Variants in C17orf107 observed in about 807,000 individuals in gnomAD.
C17orf107 encodes uncharacterized protein C17orf107.
A neutral mutation model predicts 8.9 loss-of-function variants in C17orf107; 9 were observed. That is an observed-to-expected ratio of 1.02 (90% CI 0.61 to 1.77). The LOEUF (loss-of-function observed/expected upper bound fraction) is 1.77, where lower values mean the gene tolerates loss of function less well. Among genes scored for constraint, C17orf107 ranks in the 40% most tolerant of loss-of-function variants. The pLI is 0.00. For missense variants in C17orf107, 281 were observed against 249.0 expected (o/e 1.13, Z -0.86); for synonymous variants, 139 against 120.3 (o/e 1.16, Z -1.02).
At position 4,900,294 on chromosome 17, in the gene C17orf107, G is replaced by A; in HGVS notation, c.334G>A (p.Ala112Thr). The part of the protein sequence containing the change: ...ARRLDGSAGP[A>T]PDGRDPGAAL... Reference sequence around the variant, plus strand: ...GCGACTAGACGGCAGCGCGGGCCCAGCCCCAGACGGCAGGGATCCGGGTGC... The same window carrying A: ...GCGACTAGACGGCAGCGCGGGCCCAACCCCAGACGGCAGGGATCCGGGTGC... Residue 112 changes from alanine (A) to threonine (T), a missense_variant, in exon 3 of 3, where the codon GCC (alanine) becomes ACC (threonine). By Grantham distance (58) the Ala-to-Thr change is moderately conservative (BLOSUM62 0). Coordinates refer to ENST00000381365, the MANE Select transcript of C17orf107 (RefSeq NM_001145536.2). 13 of 1,545,266 alleles carry A rather than the reference G, an allele frequency of 8.4e-6. No homozygotes were observed. The highest frequency in any genetic ancestry group is 1.0e-5 in the Non-Finnish European group (12 of 1,146,618).
Position 4,900,628 on chromosome 17 carries a change from G to C in C17orf107, c.*95G>C. 1 of 1,489,892 alleles carries C rather than the reference G, an allele frequency of 6.7e-7. No homozygotes were observed. The highest frequency in any genetic ancestry group is 9.1e-7 in the Non-Finnish European group (1 of 1,098,090). 92.3% of individuals were successfully genotyped at this position (1,489,892 alleles called of 1,614,324 possible). Reference sequence around the variant, plus strand: ...TCCAGGTGACGTCCAGCAGCAGTGAGGAGGACGGCGGACCAGGGACTCCAT... The same window carrying C: ...TCCAGGTGACGTCCAGCAGCAGTGACGAGGACGGCGGACCAGGGACTCCAT... On this transcript the variant is annotated 3_prime_UTR_variant, in exon 3 of 3. Transcript: ENST00000381365.
chr17:4,903,267 C>T (rs772904942), downstream of C17orf107, among the ~76,000 whole-genome samples: 1 of 152,150 alleles, frequency 6.6e-6, no homozygotes, highest in Non-Finnish European at 1.5e-5. Context: ...CTGCCCCTGC[C>T]CCGCCCCAGC....
Position 4,901,220 on chromosome 17 carries a change from G to T in C17orf107, c.*687G>T, listed in dbSNP as rs780681661. On this transcript the variant is annotated 3_prime_UTR_variant, in exon 3 of 3. Transcript: ENST00000381365. ...GGGACGGGGGCACGGTCAGCTGGCT[G>T]TCAGAGCGGGGCGCCCGCCGAGCTG... 5.7e-6 allele frequency: 9 copies of T among 1,592,740 alleles called. No individual in the cohort carries two copies. The Admixed American group carries it at 1.5e-4, about 27-fold the overall frequency.
In C17orf107 at chr17:4,900,758, C is replaced by T. The variant is rs1460395497; in HGVS notation, c.*225C>T. On this transcript the variant is annotated 3_prime_UTR_variant, in exon 3 of 3. Transcript: ENST00000381365. Reference sequence around the variant, plus strand: ...GTTTTGGCCACGCCCCCACCCTTCACACTGGCCACACCCCCGCGGGGGCTC... The same window carrying T: ...GTTTTGGCCACGCCCCCACCCTTCATACTGGCCACACCCCCGCGGGGGCTC... 3.8e-6 allele frequency: 6 copies of T among 1,592,684 alleles called. No homozygotes were observed. The highest frequency in any genetic ancestry group is 3.4e-5 in the South Asian group (3 of 89,502).
At position 4,901,258 on chromosome 17, in the gene C17orf107, AGAG is replaced by A. The variant is rs1969976174; in HGVS notation, c.*730_*732del. ...GCCCGCCGAGCTGACAGCGGGCTGA[AGAG>A]GAGGCTGCGGCTGTCTGCACCAGGG... is the stretch of plus-strand genomic sequence containing the variant. On this transcript the variant is annotated 3_prime_UTR_variant, in exon 3 of 3. Coordinates refer to ENST00000381365, the MANE Select transcript of C17orf107 (RefSeq NM_001145536.2). The A allele has an allele frequency of 1.3e-6, 2 of 1,548,216 alleles. No homozygotes were observed. The highest frequency in any genetic ancestry group is 1.4e-5 in the African/African-American group (1 of 73,740).
In C17orf107 at chr17:4,902,078, G is replaced by A. The variant is rs763520880; in HGVS notation, c.*1545G>A. 6.8e-6 allele frequency: 11 copies of A among 1,614,040 alleles called. No individual in the cohort carries two copies. The highest frequency in any genetic ancestry group is 9.3e-6 in the Non-Finnish European group (11 of 1,180,014). Reference sequence around the variant, plus strand: ...TGGCGTCGTAGGCCACTCCGAACTGGCCATCAATACTGTGGGCTCGGGGAA... The same window carrying A: ...TGGCGTCGTAGGCCACTCCGAACTGACCATCAATACTGTGGGCTCGGGGAA... On this transcript the variant is annotated 3_prime_UTR_variant, in exon 3 of 3. Coordinates refer to ENST00000381365, the MANE Select transcript of C17orf107 (RefSeq NM_001145536.2). The surrounding 1 kb of genome is among the most constrained non-coding windows in gnomAD (Gnocchi z 4.0).
Position 4,900,079 on chromosome 17 carries a change from C to A in C17orf107, c.210C>A (p.Pro70=), listed in dbSNP as rs1013176435. ...KMQGMLPAPK[P]TLGLVLREAT... is the part of the protein sequence containing the mutation. ...AGGGGATGCTGCCTGCCCCGAAGCC[C>A]ACCCTGGGGCTGGTGTTGAGAGAAG... The change falls in exon 2 of 3, where the codon CCC becomes CCA. Residue 70 remains proline (P), a synonymous_variant. Coordinates refer to ENST00000381365, the MANE Select transcript of C17orf107 (RefSeq NM_001145536.2). 6.4e-7 allele frequency: 1 copy of A among 1,551,050 alleles called. No individual in the cohort carries two copies.
In C17orf107 at chr17:4,900,255, C is replaced by A. The variant is rs748606985; in HGVS notation, c.295C>A (p.Gln99Lys). The change falls in exon 3 of 3, where the codon CAG (glutamine) becomes AAG (lysine). Residue 99 changes from glutamine (Q) to lysine (K), a missense_variant. Coordinates refer to ENST00000381365, the MANE Select transcript of C17orf107 (RefSeq NM_001145536.2). ...TLLEISALWL[Q>K]QEARRLDGSA... ...AATGCAGATCTCAGCCCTGTGGCTG[C>A]AGCAGGAGGCGCGGCGACTAGACGG... 1.3e-6 allele frequency: 2 copies of A among 1,546,696 alleles called. No individual in the cohort carries two copies. The highest frequency in any genetic ancestry group is 2.7e-5 in the African/African-American group (2 of 73,058).
Position 4,901,632 on chromosome 17 carries a change from A to T in C17orf107, c.*1099A>T. 6.2e-7 allele frequency: 1 copy of T among 1,613,516 alleles called. No homozygotes were observed. The highest frequency in any genetic ancestry group is 8.5e-7 in the Non-Finnish European group (1 of 1,179,708). ...GGCATTGTACGTCTGAGAGCTGCGG[A>T]GCCAGGGCCGGGAGCCCACCCCAGA... On this transcript the variant is annotated 3_prime_UTR_variant, in exon 3 of 3. Transcript: ENST00000381365.
Position 4,902,643 on chromosome 17 carries a change from G to T in C17orf107, c.*2110G>T. The stretch of plus-strand genomic sequence containing the variant: ...TACCAGTGAGATGAGATTCGTCAGG[G>T]TGACCTTGAGGCTGATGGTGACAGT... On this transcript the variant is annotated 3_prime_UTR_variant, in exon 3 of 3. Coordinates refer to ENST00000381365, the MANE Select transcript of C17orf107 (RefSeq NM_001145536.2). This position sits in a 1 kb window ranked among gnomAD's most constrained non-coding sequence, Gnocchi z 4.0. 6.2e-7 allele frequency: 1 copy of T among 1,614,056 alleles called. No homozygotes were observed. Among genetic ancestry groups the T allele is most frequent in the Non-Finnish European group, 8.5e-7 (1 of 1,180,010 alleles).
downstream of C17orf107, among the ~76,000 whole-genome samples, chr17:4,906,585 C>T (rs949558216): frequency 1.3e-5 from 2 of 151,942 alleles, no homozygotes; most frequent in Non-Finnish European, 2.9e-5. Context: ...TATAAGAAAA[C>T]GTGCTCAGCA....
downstream of C17orf107, among the ~76,000 whole-genome samples, chr17:4,906,477 A>C (rs1970093647): frequency 6.6e-6 from 1 of 152,194 alleles, no homozygotes. Context: ...TGCTTCAAAA[A>C]GTGATTATGA....
Position 4,900,749 on chromosome 17 carries a change from C to A in C17orf107, c.*216C>A, listed in dbSNP as rs1027597321. 1 of 1,577,106 alleles carries A rather than the reference C, an allele frequency of 6.3e-7. No individual in the cohort carries two copies. Among genetic ancestry groups the A allele is most frequent in the Non-Finnish European group, 8.7e-7 (1 of 1,155,886 alleles). Reference sequence around the variant, plus strand: ...GGTCTCTGGGTTTTGGCCACGCCCCCACCCTTCACACTGGCCACACCCCCG... The same window carrying A: ...GGTCTCTGGGTTTTGGCCACGCCCCAACCCTTCACACTGGCCACACCCCCG... On this transcript the variant is annotated 3_prime_UTR_variant, in exon 3 of 3. Transcript: ENST00000381365.
intron 1 of C17orf107, 36 bp from the exon 2 acceptor site, chr17:4,899,900 C>G (rs1267469763): frequency 4.5e-6 from 7 of 1,549,172 alleles, no homozygotes; most frequent in Non-Finnish European, 6.1e-6. Context: ...CCTGTGACCC[C>G]TGCCCTGCTA....
rs959148113 is a variant in C17orf107 at position 4,901,821 on chromosome 17, T to C, written c.*1288T>C. ...GTCCCACCCAGTGCCTACGCCTGGC[T>C]CCGCCTCCAGCGCGAAGCCCCGCCC... is the stretch of plus-strand genomic sequence containing the variant. On this transcript the variant is annotated 3_prime_UTR_variant, in exon 3 of 3. Coordinates refer to ENST00000381365, the MANE Select transcript of C17orf107 (RefSeq NM_001145536.2). The C allele has an allele frequency of 1.3e-6, 2 of 1,506,632 alleles. No homozygotes were observed. Among genetic ancestry groups the C allele is most frequent in the African/African-American group, 1.4e-5 (1 of 72,052 alleles). The allele number at this position is 1,506,632 out of a possible 1,614,324, so 93.3% of individuals were successfully genotyped here.
Position 4,900,863 on chromosome 17 carries a change from G to A in C17orf107, c.*330G>A, listed in dbSNP as rs773929089. On this transcript the variant is annotated 3_prime_UTR_variant, in exon 3 of 3. Transcript: ENST00000381365. Reference sequence around the variant, plus strand: ...GCAATGAGGAACAAGAAGACGGTCTGGGCGAGCAGGACGTTGATGGAGACC... The same window carrying A: ...GCAATGAGGAACAAGAAGACGGTCTAGGCGAGCAGGACGTTGATGGAGACC... 9 of 1,614,216 alleles carry A rather than the reference G, an allele frequency of 5.6e-6. No homozygotes were observed. Among genetic ancestry groups the A allele is most frequent in the Non-Finnish European group, 5.9e-6 (7 of 1,180,018 alleles).
At position 4,902,208 on chromosome 17, in the gene C17orf107, G is replaced by T. The variant is rs371037732; in HGVS notation, c.*1675G>T. 1 of 1,613,732 alleles carries T rather than the reference G, an allele frequency of 6.2e-7. No homozygotes were observed. On this transcript the variant is annotated 3_prime_UTR_variant, in exon 3 of 3. Transcript: ENST00000381365. This position sits in a 1 kb window ranked among gnomAD's most constrained non-coding sequence, Gnocchi z 4.0. ...TTCCCTCCAGCCTGGCGTCTGGCCC[G>T]GTTCTCACTTGTTTTCCAGCACAAT...
downstream of C17orf107, among the ~76,000 whole-genome samples, chr17:4,904,180 T>A (rs1311211315): frequency 2.0e-5 from 3 of 151,862 alleles, no homozygotes; most frequent in Admixed American, 2.0e-4. Context: ...TTTTTCTGTT[T>A]CTTTTTTTGT....
chr17:4,901,732 CCCCTTCACCCAAGCCCAG>C lies in C17orf107; in HGVS notation c.*1203_*1220del. 4 of 1,289,390 alleles carry C rather than the reference CCCCTTCACCCAAGCCCAG, an allele frequency of 3.1e-6. No individual in the cohort carries two copies. Among genetic ancestry groups the C allele is most frequent in the East Asian group, 2.4e-5 (1 of 42,030 alleles). The allele number at this position is 1,289,390 out of a possible 1,614,324, so 79.9% of individuals were successfully genotyped here. On this transcript the variant is annotated 3_prime_UTR_variant, in exon 3 of 3. Coordinates refer to ENST00000381365, the MANE Select transcript of C17orf107 (RefSeq NM_001145536.2). Reference sequence around the variant, plus strand: ...TAGCGGGGCCGCGATCCCAAGCCCACCCCTTCACCCAAGCCCAGCCCGCACGCCTCTGTTCCCATCTGT... The same window carrying C: ...TAGCGGGGCCGCGATCCCAAGCCCACCCCGCACGCCTCTGTTCCCATCTGT...
Sources: gnomAD v4.1 joint callset for allele counts (sites outside exome capture counted in the v4.1 genomes callset) on GRCh38, gnomAD v4.1.1 for gene constraint, Gnocchi (gnomAD v3.1) non-coding constraint, MANE v1.5 for transcripts, NCBI Gene and HGNC (gene_info 2026-07-23, HGNC 2026-07-21) for gene names.